F10: variants seen among roughly 807,000 people sequenced by gnomAD.
F10 encodes coagulation factor X.
In F10, 29 loss-of-function variants were observed where a neutral mutation model predicts 37.1. The ratio of observed to expected loss-of-function variants is 0.78; its 90% CI spans 0.58 to 1.07. F10 has a LOEUF of 1.07. Ranked by LOEUF, F10 falls within the 50% of genes least tolerant of loss-of-function variation. The pLI, the probability that F10 is intolerant of heterozygous loss-of-function variation, is 0.00. For missense variants in F10, 539 were observed against 667.9 expected (o/e 0.81, Z 2.13); for synonymous variants, 262 against 268.6 (o/e 0.98, Z 0.24).
intron 4 of F10, among the ~76,000 whole-genome samples, chr13:113,140,230 G>C (rs1261565153): frequency 1.3e-5 from 2 of 151,822 alleles, no homozygotes; most frequent in Non-Finnish European, 2.9e-5. Context: ...CCGGCCACCA[G>C]TCCCGGCTAA....
chr13:113,137,804 T>TTATAAGGAC (rs2036492979), intron 2 of F10, among the ~76,000 whole-genome samples: 1 of 152,176 alleles, frequency 6.6e-6, no homozygotes. Flanking sequence ...TTTCTGTCTC[T>TTATAAGGAC]TATAAGGACT....
chr13:113,142,805 G>A (rs1008546756), intron 5 of F10, among the ~76,000 whole-genome samples: 15 of 151,936 alleles, frequency 9.9e-5, no homozygotes, highest in African/African-American at 2.2e-4. Flanking sequence ...GGTGGCGCAC[G>A]CCTGTAATCC....
At chr13:113,127,258 G>A (rs182384495) in intron 1 of F10, among the ~76,000 whole-genome samples, 16 of 152,354 alleles carry the variant, frequency 1.1e-4, no homozygotes, top group African/African-American at 2.9e-4. Context: ...TGATTCTGCA[G>A]TCTTGTTTTA....
Position 113,141,661 on chromosome 13 carries a change from G to C in F10, c.502+611G>C, listed in dbSNP as rs752931768. Among the ~76,000 whole-genome samples the C allele has an allele frequency of 1.3e-5, 2 of 152,208 alleles. No individual in the cohort carries two copies. Among genetic ancestry groups the C allele is most frequent in the African/African-American group, 4.8e-5 (2 of 41,460 alleles). ...GGACGAGCCTCCCTGTCCTGACCCCGTGGGCATTGCCTACGCTGGGCTTGC... is the reference window on the plus strand; with the variant it reads ...GGACGAGCCTCCCTGTCCTGACCCCCTGGGCATTGCCTACGCTGGGCTTGC... On this transcript the variant is annotated intron_variant, in intron 5 of 7. Coordinates refer to ENST00000375559, the MANE Select transcript of F10 (RefSeq NM_000504.4). The surrounding 1 kb of genome is among the most constrained non-coding windows in gnomAD (Gnocchi z 5.4).
rs1341404409 is a variant in F10, at chr13:113,147,493, G to C, written c.862G>C (p.Val288Leu). The C allele has an allele frequency of 6.2e-7, 1 of 1,605,804 alleles. No individual in the cohort carries two copies. Among genetic ancestry groups the C allele is most frequent in the Non-Finnish European group, 8.5e-7 (1 of 1,172,336 alleles). Residue 288 changes from valine to leucine, a missense_variant, in exon 7 of 8, where the codon GTA (valine) becomes CTA (leucine). Coordinates refer to ENST00000375559, the MANE Select transcript of F10 (RefSeq NM_000504.4). Reference sequence around the variant, plus strand: ...CCAAGCCAAGAGATTCAAGGTGAGGGTAGGTAAGTGACCAACAGCCCCCAG... The same window carrying C: ...CCAAGCCAAGAGATTCAAGGTGAGGCTAGGTAAGTGACCAACAGCCCCCAG... ...LYQAKRFKVR[V>L]GDRNTEQEEG...
intron 1 of F10, among the ~76,000 whole-genome samples, chr13:113,124,602 G>C (rs530904713): frequency 6.1e-4 from 93 of 152,348 alleles, no homozygotes; most frequent in African/African-American, 2.1e-3. Context: ...TCCCACTCAG[G>C]ACCCTGCTGT....
rs2036588157 is a variant in F10 at position 113,146,979 on chromosome 13, C to T, written c.748-400C>T. Among the ~76,000 whole-genome samples the T allele has an allele frequency of 1.3e-5, 2 of 152,148 alleles. No individual in the cohort carries two copies. The highest frequency in any genetic ancestry group is 2.1e-4 in the South Asian group (1 of 4,826). Reference sequence around the variant, plus strand: ...GGACAGGCTCACACTGCTGAACCGTCGGGACACCAGGCAGGCACACCGGTT... The same window carrying T: ...GGACAGGCTCACACTGCTGAACCGTTGGGACACCAGGCAGGCACACCGGTT... On this transcript the variant is annotated intron_variant, in intron 6 of 7. Coordinates refer to ENST00000375559, the MANE Select transcript of F10 (RefSeq NM_000504.4). This position sits in a 1 kb window ranked among gnomAD's most constrained non-coding sequence, Gnocchi z 4.5.
At chr13:113,125,952 G>C (rs1422189714) in intron 1 of F10, among the ~76,000 whole-genome samples, 1 of 152,110 alleles carries the variant, frequency 6.6e-6, no homozygotes, top group African/African-American at 2.4e-5. Flanking sequence ...ACGTCAGAGG[G>C]CGTGGTCAGG....
At chr13:113,133,603 C>T (rs1309269390) in intron 2 of F10, among the ~76,000 whole-genome samples, 1 of 152,126 alleles carries the variant, frequency 6.6e-6, no homozygotes, top group African/African-American at 2.4e-5. Flanking sequence ...TTTTACCAAA[C>T]ATTTCAAAAA....
rs2036521454 is a variant in F10, at chr13:113,140,923, A to C, written c.375A>C (p.Thr125=). 2 of 1,614,064 alleles carry C rather than the reference A, an allele frequency of 1.2e-6. No individual in the cohort carries two copies. Among genetic ancestry groups the C allele is most frequent in the Non-Finnish European group, 1.7e-6 (2 of 1,180,036 alleles). The change falls in exon 5 of 8, where the codon ACA becomes ACC. Residue 125 remains threonine, a synonymous_variant. Transcript: ENST00000375559. ...CAACGTGCCTCTCCTTTGCAGTCAC[A>C]CGGAAGCTCTGCAGCCTGGACAACG... is the stretch of plus-strand genomic sequence containing the variant. ...GFEGKNCELF[T]RKLCSLDNGD... is the part of the protein sequence containing the mutation.
chr13:113,123,566 C>T (rs1000233802), intron 1 of F10, among the ~76,000 whole-genome samples: 2 of 152,114 alleles, frequency 1.3e-5, no homozygotes, highest in Admixed American at 6.5e-5. Context: ...GGTGGGGACA[C>T]GAGAGACAGG....
chr13:113,143,748 C>T lies in F10; in HGVS notation c.503-103C>T. 3.8e-6 allele frequency: 6 copies of T among 1,571,720 alleles called. No homozygotes were observed. Among genetic ancestry groups the T allele is most frequent in the East Asian group, 2.2e-5 (1 of 44,446 alleles). On this transcript the variant is annotated intron_variant, in intron 5 of 7. Coordinates refer to ENST00000375559, the MANE Select transcript of F10 (RefSeq NM_000504.4). This position sits in a 1 kb window ranked among gnomAD's most constrained non-coding sequence, Gnocchi z 6.8. ...CGCTGCCCCTCCGGGTGCCCCTGCG[C>T]TCTGCCTCCCGGCTCTCTGACTCTT...
chr13:113,137,238 T>A (rs1443223568), intron 2 of F10, among the ~76,000 whole-genome samples: 1 of 152,256 alleles, frequency 6.6e-6, no homozygotes, highest in Non-Finnish European at 1.5e-5. Context: ...AATGAAAAGC[T>A]AGTTTCACAA....
At chr13:113,147,240 C>T in intron 6 of F10, 139 bp from the exon 7 acceptor site, 2 of 706,460 alleles carry the variant, frequency 2.8e-6, no homozygotes, top group East Asian at 2.7e-5. Context: ...AGGAACTGTC[C>T]TTGGGTGGAT....
At chr13:113,129,684 C>T (rs2036409562) in intron 2 of F10, 72 bp downstream of exon 2, 2 of 1,596,152 alleles carry the variant, frequency 1.3e-6, no homozygotes, top group African/African-American at 1.3e-5. Flanking sequence ...CCCGCTGCTC[C>T]GTCCATCCAG....
rs375413878 is a variant in F10 at position 113,142,916 on chromosome 13, G to A, written c.503-935G>A. 2.0e-4 allele frequency among the ~76,000 whole-genome samples: 30 copies of A among 151,422 alleles called. 1 individual carries two copies. In the East Asian group the frequency reaches 3.9e-3, roughly 20 times the overall value. ...CATTGCACTCCAGCCTGGGAGACAA[G>A]AGAGAAACTCCATCTCAAAAAAAAA... On this transcript the variant is annotated intron_variant, in intron 5 of 7. Coordinates refer to ENST00000375559, the MANE Select transcript of F10 (RefSeq NM_000504.4).
chr13:113,126,311 A>G (rs3212997), intron 1 of F10, among the ~76,000 whole-genome samples: 2,628 of 152,158 alleles, frequency 0.017, 76 homozygotes, highest in African/African-American at 0.057. Context: ...TCCTACCCCC[A>G]TGAGCTGGGG....
chr13:113,136,491 C>T (rs1243431397), intron 2 of F10, among the ~76,000 whole-genome samples: 1 of 150,476 alleles, frequency 6.6e-6, no homozygotes, highest in Non-Finnish European at 1.5e-5. Flanking sequence ...ACAGAGTCTT[C>T]CCGTTGCCCA....
In F10 at chr13:113,143,958, G is replaced by A. The variant is rs775409712; in HGVS notation, c.610G>A (p.Asp204Asn). The A allele has an allele frequency of 6.2e-7, 1 of 1,612,948 alleles. No homozygotes were observed. The highest frequency in any genetic ancestry group is 8.5e-7 in the Non-Finnish European group (1 of 1,179,866). ...TGACAGCATCACATGGAAGCCATAT[G>A]ATGCAGCCGACCTGGACCCCACCGA... The part of the protein sequence containing the change: ...APDSITWKPY[D>N]AADLDPTENP... The change falls in exon 6 of 8, where the codon GAT becomes AAT. Residue 204 changes from aspartate to asparagine, a missense_variant. Around this residue, in one of 2 missense-constraint regions of F10, gnomAD observed 409 missense variants for 547.9 expected, o/e 0.75. Coordinates refer to ENST00000375559, the MANE Select transcript of F10 (RefSeq NM_000504.4). This position sits in a 1 kb window ranked among gnomAD's most constrained non-coding sequence, Gnocchi z 6.8.
Sources: allele counts gnomAD v4.1 joint callset (sites outside exome capture counted in the v4.1 genomes callset), GRCh38; gene constraint gnomAD v4.1.1; regional missense constraint gnomAD v4.1.1; non-coding constraint Gnocchi (gnomAD v3.1); transcripts MANE v1.5; gene names NCBI Gene and HGNC (gene_info 2026-07-23, HGNC 2026-07-21).